Variants in TMED3 observed in about 807,000 individuals in gnomAD.
TMED3 encodes the protein transmembrane emp24 domain-containing protein 3.
Under a neutral mutation model 15.0 loss-of-function variants are expected in TMED3, and 9 were observed. That is an observed-to-expected ratio of 0.60 (90% confidence interval 0.36 to 1.04). The LOEUF (loss-of-function observed/expected upper bound fraction) is 1.04. Among genes scored for constraint, TMED3 ranks in the 50% least tolerant of loss-of-function variants. The probability of loss-of-function intolerance (pLI) is 0.01; values close to 1 mark genes in which losing one functional copy is unlikely to be tolerated. For missense variants in TMED3, 267 were observed against 278.9 expected (o/e 0.96, Z 0.30); for synonymous variants, 117 against 121.4 (o/e 0.96, Z 0.24).
intron 2 of TMED3, among the ~76,000 whole-genome samples, chr15:79,402,311 C>T (rs77704492): frequency 3.9e-5 from 6 of 152,156 alleles, no homozygotes; most frequent in Non-Finnish European, 8.8e-5. Context: ...TTTGTCCAGT[C>T]CCCAGGTTAT....
chr15:79,331,582 G>A (rs775877529), intron 2 of TMED3, among the ~76,000 whole-genome samples: 2 of 133,580 alleles, frequency 1.5e-5, no homozygotes, highest in African/African-American at 2.8e-5. Flanking sequence ...AAACTAAAAA[G>A]TCTACACAGC....
At chr15:79,375,789 G>A (rs977662048) in intron 2 of TMED3, among the ~76,000 whole-genome samples, 1 of 152,198 alleles carries the variant, frequency 6.6e-6, no homozygotes, top group African/African-American at 2.4e-5. Context: ...CCACCACTGG[G>A]GATTACATTT....
intron 2 of TMED3, among the ~76,000 whole-genome samples, chr15:79,407,275 C>T (rs1893914605): frequency 6.6e-6 from 1 of 152,230 alleles, no homozygotes; most frequent in Non-Finnish European, 1.5e-5. Flanking sequence ...AACCCCGAGT[C>T]AGGGGAGAGT....
chr15:79,320,646 A>G (rs1001252943), intron 2 of TMED3, among the ~76,000 whole-genome samples: 18 of 152,032 alleles, frequency 1.2e-4, no homozygotes, highest in Admixed American at 4.6e-4. Flanking sequence ...ATAGGATAGA[A>G]TTTTCTAGGT....
chr15:79,357,870 TG>T (rs1346001344), intron 2 of TMED3, among the ~76,000 whole-genome samples: 3 of 152,180 alleles, frequency 2.0e-5, no homozygotes, highest in Admixed American at 2.0e-4. Context: ...TTTATACCAT[TG>T]TTTAAGTCCC....
chr15:79,392,773 AC>A (rs1893713300), intron 2 of TMED3, among the ~76,000 whole-genome samples: 1 of 152,224 alleles, frequency 6.6e-6, no homozygotes, highest in African/African-American at 2.4e-5. Flanking sequence ...CCTTCAGGTA[AC>A]ATTTTCTTTT....
intron 2 of TMED3, among the ~76,000 whole-genome samples, chr15:79,360,980 TTACAAC>T (rs57945331): frequency 0.15 from 22,140 of 152,022 alleles, 1,836 homozygotes; most frequent in East Asian, 0.4. Context: ...TCCCAAGCAG[TTACAAC>T]TACAAGTGCA....
At chr15:79,365,317 A>G (rs1893211362) in intron 2 of TMED3, among the ~76,000 whole-genome samples, 1 of 152,254 alleles carries the variant, frequency 6.6e-6, no homozygotes, top group Non-Finnish European at 1.5e-5. Flanking sequence ...GGGTCAGCAG[A>G]AAAGAATGTT....
Position 79,321,982 on chromosome 15 carries a change from A to C in TMED3, c.422A>C (p.Glu141Ala). The change falls in exon 3 of 3, where the codon GAG becomes GCG. Residue 141 changes from glutamate (E) to alanine (A), a missense_variant. Physicochemically the swap from Glu to Ala is moderately radical, Grantham distance 107. Coordinates refer to ENST00000299705, the MANE Select transcript of TMED3 (RefSeq NM_007364.4). ...GNRVTALTQM[E>A]SACVTIHEAL... is the part of the protein sequence containing the mutation. ...TGCTTTTCTCTTCCTGCCCAGATGG[A>C]GTCCGCCTGCGTGACCATCCATGAG... 1 of 1,613,968 alleles carries C rather than the reference A, an allele frequency of 6.2e-7. No homozygotes were observed. Among genetic ancestry groups the C allele is most frequent in the Non-Finnish European group, 8.5e-7 (1 of 1,179,914 alleles).
At chr15:79,392,402 T>A (rs919218875) in intron 2 of TMED3, among the ~76,000 whole-genome samples, 11 of 152,136 alleles carry the variant, frequency 7.2e-5, no homozygotes, top group African/African-American at 2.7e-4. Context: ...GGCAGATAAT[T>A]TTTTTGTTTC....
chr15:79,358,833 T>C (rs1472309827), intron 2 of TMED3, among the ~76,000 whole-genome samples: 6 of 152,330 alleles, frequency 3.9e-5, no homozygotes, highest in African/African-American at 2.4e-5. Context: ...AAAAGTTTGC[T>C]GTGAACTTCT....
At chr15:79,334,764 A>AT (rs1207139693) in intron 2 of TMED3, among the ~76,000 whole-genome samples, 2 of 152,186 alleles carry the variant, frequency 1.3e-5, no homozygotes, top group African/African-American at 4.8e-5. Context: ...CAGTGCACAC[A>AT]TTTTTTCCCT....
intron 2 of TMED3, among the ~76,000 whole-genome samples, chr15:79,352,992 A>C (rs1283967418): frequency 9.0e-6 from 1 of 111,266 alleles, no homozygotes; most frequent in Non-Finnish European, 1.7e-5. Flanking sequence ...ATTATATATT[A>C]TGTTATATAA....
chr15:79,369,774 A>G (rs1384962346), intron 2 of TMED3, among the ~76,000 whole-genome samples: 1 of 152,166 alleles, frequency 6.6e-6, no homozygotes, highest in Non-Finnish European at 1.5e-5. Context: ...GTTTATGTCT[A>G]ACAGAACACC....
rs189437434 is a variant in TMED3, at chr15:79,315,350, G to A, written c.417+1345G>A. On this transcript the variant is annotated intron_variant, in intron 2 of 2. Coordinates refer to ENST00000299705, the MANE Select transcript of TMED3 (RefSeq NM_007364.4). ...GGTGGCTAGTGGCCATGCATAGAAA[G>A]TTCCATTGTCCAAAACTGGGTTTGA... is the stretch of plus-strand genomic sequence containing the variant. Among the ~76,000 whole-genome samples, 9 of 152,348 alleles carry A rather than the reference G, an allele frequency of 5.9e-5. No homozygotes were observed. In the East Asian group the frequency reaches 1.7e-3, roughly 29 times the overall value.
chr15:79,370,351 A>ACTGTAGGTC (rs1290322984), intron 2 of TMED3, among the ~76,000 whole-genome samples: 2 of 143,864 alleles, frequency 1.4e-5, no homozygotes, highest in African/African-American at 5.2e-5. Context: ...GCCCCTGATG[A>ACTGTAGGTC]CTGTAGGTCC....
At chr15:79,355,722 G>A (rs560155488) in intron 2 of TMED3, among the ~76,000 whole-genome samples, 6 of 152,156 alleles carry the variant, frequency 3.9e-5, no homozygotes, top group East Asian at 1.9e-4. Flanking sequence ...GGGTGAGCAC[G>A]CCAGCAGGTG....
intron 2 of TMED3, among the ~76,000 whole-genome samples, chr15:79,388,483 C>A (rs1371170463): frequency 6.6e-6 from 1 of 151,576 alleles, no homozygotes; most frequent in Non-Finnish European, 1.5e-5. Context: ...ACCACAGTTT[C>A]TTTATCCACT....
intron 2 of TMED3, among the ~76,000 whole-genome samples, chr15:79,407,407 T>A (rs2903061): frequency 0.87 from 132,997 of 152,166 alleles, 58,530 homozygotes; most frequent in South Asian, 0.94. Flanking sequence ...CATATTAGCC[T>A]GTTCTTGAAA....
Sources: allele counts gnomAD v4.1 joint callset (sites outside exome capture counted in the v4.1 genomes callset), GRCh38; gene constraint gnomAD v4.1.1; transcripts MANE v1.5; gene names NCBI Gene and HGNC (gene_info 2026-07-23, HGNC 2026-07-21).